The following CPLX3 variants were observed in gnomAD, a reference collection of about 807,000 sequenced individuals.
CPLX3 encodes complexin 3.
A neutral mutation model predicts 17.2 loss-of-function variants in CPLX3; 12 were observed. That is an observed-to-expected ratio of 0.70 (90% confidence interval 0.45 to 1.13). CPLX3 has a LOEUF of 1.13. CPLX3 is among the 50% of genes most tolerant of loss of function. The probability of loss-of-function intolerance (pLI) is 0.00; values close to 1 mark genes in which losing one functional copy is unlikely to be tolerated. For missense variants in CPLX3, 172 were observed against 203.2 expected (o/e 0.85, Z 0.93); for synonymous variants, 75 against 79.4 (o/e 0.94, Z 0.29).
intron 1 of CPLX3, among the ~76,000 whole-genome samples, chr15:74,827,540 T>G (rs1313761348): frequency 6.6e-6 from 1 of 152,260 alleles, no homozygotes; most frequent in African/African-American, 2.4e-5. Flanking sequence ...ACCTGGCACA[T>G]GATAAAGTCT....
chr15:74,829,998 C>CA (rs58349907), intron 2 of CPLX3, 132 bp from the exon 3 acceptor site: 69,103 of 511,774 alleles, frequency 0.14, 13 homozygotes, highest in Middle Eastern at 0.17. Flanking sequence ...CTCGTCTCTA[C>CA]AAAAAAAAAA....
Position 74,830,455 on chromosome 15 carries a change from C to A in CPLX3, c.*101C>A. 1.0e-6 allele frequency: 1 copy of A among 983,002 alleles called. No individual in the cohort carries two copies. Among genetic ancestry groups the A allele is most frequent in the Non-Finnish European group, 1.5e-6 (1 of 654,288 alleles). 60.9% of individuals were successfully genotyped at this position (983,002 alleles called of 1,614,324 possible). On this transcript the variant is annotated 3_prime_UTR_variant, in exon 3 of 3. Transcript: ENST00000395018. ...TCCATTTGGGGCTTTGTTTCCCTTG[C>A]CCCATCCTAGTTCCAAGACCTTTCC...
Position 74,830,642 on chromosome 15 carries a change from C to T in CPLX3, c.*288C>T, listed in dbSNP as rs2063965036. The stretch of plus-strand genomic sequence containing the variant: ...CCCTCTCTGGCCATGGCCCCAAGTT[C>T]CTGCACACAGGAGCACCCACAGAGA... On this transcript the variant is annotated 3_prime_UTR_variant, in exon 3 of 3. Transcript: ENST00000395018. 2 of 386,432 alleles carry T rather than the reference C, an allele frequency of 5.2e-6. No homozygotes were observed. The highest frequency in any genetic ancestry group is 3.0e-5 in the South Asian group (1 of 33,750). The allele number at this position is 386,432 out of a possible 1,614,324, so 23.9% of individuals were successfully genotyped here.
chr15:74,829,971 G>A (rs2063960935), intron 2 of CPLX3, among the ~76,000 whole-genome samples, 159 bp from the exon 3 acceptor site: 1 of 150,892 alleles, frequency 6.6e-6, no homozygotes, highest in Non-Finnish European at 1.5e-5. Flanking sequence ...AGACCAGCGT[G>A]GGCAACATAG....
In CPLX3 at chr15:74,826,640, GCGCGGACGTGCCCGGTGC is replaced by G; in HGVS notation, c.-62_-45del. The G allele has an allele frequency of 6.5e-7, 1 of 1,544,934 alleles. No homozygotes were observed. Among genetic ancestry groups the G allele is most frequent in the South Asian group, 1.1e-5 (1 of 87,338 alleles). On this transcript the variant is annotated 5_prime_UTR_variant, in exon 1 of 3. Coordinates refer to ENST00000395018, the MANE Select transcript of CPLX3 (RefSeq NM_001030005.3). The surrounding 1 kb of genome is among the most constrained non-coding windows in gnomAD (Gnocchi z 5.0). The stretch of plus-strand genomic sequence containing the variant: ...TCCGCGAAACCTAGTGCTGAAGTAG[GCGCGGACGTGCCCGGTGC>G]CTGGCGCGTGGTAGCAGGCGCCCGG...
In CPLX3 at chr15:74,826,659, C is replaced by G; in HGVS notation, c.-45C>G. 1 of 1,589,112 alleles carries G rather than the reference C, an allele frequency of 6.3e-7. No individual in the cohort carries two copies. The highest frequency in any genetic ancestry group is 2.4e-5 in the East Asian group (1 of 41,484). ...AAGTAGGCGCGGACGTGCCCGGTGCCTGGCGCGTGGTAGCAGGCGCCCGGT... is the reference window on the plus strand; with the variant it reads ...AAGTAGGCGCGGACGTGCCCGGTGCGTGGCGCGTGGTAGCAGGCGCCCGGT... On this transcript the variant is annotated 5_prime_UTR_variant, in exon 1 of 3. Transcript: ENST00000395018. This position sits in a 1 kb window ranked among gnomAD's most constrained non-coding sequence, Gnocchi z 5.0.
intron 1 of CPLX3, 63 bp from the exon 2 acceptor site, chr15:74,827,971 C>A: frequency 7.3e-7 from 1 of 1,374,826 alleles, no homozygotes. Context: ...CTGTCCCTCC[C>A]TCGAAGACCT....
rs970687545 is a variant in CPLX3, at chr15:74,830,698, G to T, written c.*344G>T. On this transcript the variant is annotated 3_prime_UTR_variant, in exon 3 of 3. Coordinates refer to ENST00000395018, the MANE Select transcript of CPLX3 (RefSeq NM_001030005.3). ...ACACAGGACACAAAACCCCTGGCAC[G>T]TTCAGAGACAGAAGCCACAGATACA... 3.5e-5 allele frequency: 8 copies of T among 227,536 alleles called. No individual in the cohort carries two copies. The highest frequency in any genetic ancestry group is 2.2e-4 in the South Asian group (3 of 13,898). 14.1% of individuals were successfully genotyped at this position (227,536 alleles called of 1,614,324 possible).
At position 74,828,096 on chromosome 15, in the gene CPLX3, TC is replaced by T; in HGVS notation, c.229del (p.Arg77GlufsTer32). ...GAGCGGGCCACACTGCGGAGCCACTTCCGAGACAAATACCGGCTACCCAAGG... is the reference window on the plus strand; with the variant it reads ...GAGCGGGCCACACTGCGGAGCCACTTCGAGACAAATACCGGCTACCCAAGG... ...KAERATLRSHFRDKYRLPKNE... is the reference protein window; with the variant it reads ...KAERATLRSHXRDKYRLPKNE... On this transcript the variant is annotated frameshift_variant, in exon 2 of 3. Coordinates refer to ENST00000395018, the MANE Select transcript of CPLX3 (RefSeq NM_001030005.3). LOFTEE classifies it high-confidence loss of function. 2 of 1,602,690 alleles carry T rather than the reference TC, an allele frequency of 1.2e-6. No individual in the cohort carries two copies. Among genetic ancestry groups the T allele is most frequent in the Non-Finnish European group, 1.7e-6 (2 of 1,174,224 alleles).
At chr15:74,827,387 A>G (rs2063948741) in intron 1 of CPLX3, among the ~76,000 whole-genome samples, 1 of 152,204 alleles carries the variant, frequency 6.6e-6, no homozygotes, top group Non-Finnish European at 1.5e-5. Flanking sequence ...GGCTTTGCCT[A>G]TTAGCTGGAT....
At chr15:74,829,195 T>G (rs2063957254) in intron 2 of CPLX3, among the ~76,000 whole-genome samples, 1 of 152,138 alleles carries the variant, frequency 6.6e-6, no homozygotes, top group Admixed American at 6.5e-5. Context: ...CTTCTAGGAA[T>G]AAAATCATTC....
At chr15:74,828,006 G>T in intron 1 of CPLX3, 28 bp from the exon 2 acceptor site, 1 of 1,573,416 alleles carries the variant, frequency 6.4e-7, no homozygotes, top group Non-Finnish European at 8.7e-7. Context: ...CAGCCCTCGT[G>T]GTGACTCTGC....
chr15:74,827,725 A>G (rs922815534), intron 1 of CPLX3, among the ~76,000 whole-genome samples: 3 of 152,210 alleles, frequency 2.0e-5, no homozygotes, highest in African/African-American at 7.2e-5. Context: ...CCCACATGAC[A>G]TAGCTTGTCA....
chr15:74,827,814 A>G (rs2063950438), intron 1 of CPLX3, among the ~76,000 whole-genome samples: 2 of 152,172 alleles, frequency 1.3e-5, no homozygotes, highest in Non-Finnish European at 1.5e-5. Flanking sequence ...ACAGACTGCC[A>G]CCCTGGTTCC....
At position 74,831,200 on chromosome 15, in the gene CPLX3, T is replaced by C. The variant is rs1185307361; in HGVS notation, c.*846T>C. ...GATTCCATAGCTGGAATCTCCTCTC[T>C]TAGCTCAGTGAAAAATAAAAATCCC... is the stretch of plus-strand genomic sequence containing the variant. On this transcript the variant is annotated 3_prime_UTR_variant, in exon 3 of 3. Transcript: ENST00000395018. 2 of 152,670 alleles carry C rather than the reference T, an allele frequency of 1.3e-5. No individual in the cohort carries two copies. Among genetic ancestry groups the C allele is most frequent in the Non-Finnish European group, 2.9e-5 (2 of 68,064 alleles). The allele number at this position is 152,670 out of a possible 1,614,324, so 9.5% of individuals were successfully genotyped here.
rs1453153599 is a variant in CPLX3 at position 74,831,542 on chromosome 15, G to A, written c.*1188G>A. The A allele has an allele frequency of 6.6e-6, 1 of 152,142 alleles. No homozygotes were observed. The highest frequency in any genetic ancestry group is 2.4e-5 in the African/African-American group (1 of 41,380). The allele number at this position is 152,142 out of a possible 1,614,324, so 9.4% of individuals were successfully genotyped here. The stretch of plus-strand genomic sequence containing the variant: ...GCCGGGGCTGGACCGCAGCTGTCTT[G>A]GGTGCCTGTGCCTACACCCCTCCTC... On this transcript the variant is annotated 3_prime_UTR_variant, in exon 3 of 3. Coordinates refer to ENST00000395018, the MANE Select transcript of CPLX3 (RefSeq NM_001030005.3).
chr15:74,830,515 C>T lies in CPLX3; in HGVS notation c.*161C>T, dbSNP rs3743487. ...CCCAAGCCTATCTTCTGGTTTCTTC[C>T]TCTCCGCTGGGAGTAAAGTCCCCAT... On this transcript the variant is annotated 3_prime_UTR_variant, in exon 3 of 3. Transcript: ENST00000395018. 56,247 of 635,012 alleles carry T rather than the reference C, an allele frequency of 0.089. 5,205 individuals carry two copies. The highest frequency in any genetic ancestry group is 0.34 in the South Asian group (17,652 of 51,442). The allele number at this position is 635,012 out of a possible 1,614,324, so 39.3% of individuals were successfully genotyped here. A position where few individuals can be genotyped will look rare whatever the true frequency, so the allele number is the denominator to read the frequency against.
Position 74,826,816 on chromosome 15 carries a change from G to C in CPLX3, c.113G>C (p.Gly38Ala). 1.2e-6 allele frequency: 2 copies of C among 1,604,520 alleles called. No homozygotes were observed. The highest frequency in any genetic ancestry group is 1.7e-6 in the Non-Finnish European group (2 of 1,175,464). Reference sequence around the variant, plus strand: ...GACAAGTCGGCAGCCGAAGCTCAGGGCATGAGCCGGGAGGAGTACGAGGAG... The same window carrying C: ...GACAAGTCGGCAGCCGAAGCTCAGGCCATGAGCCGGGAGGAGTACGAGGAG... ...DGDKSAAEAQ[G>A]MSREEYEEYQ... Residue 38 changes from glycine to alanine, a missense_variant, in exon 1 of 3, where the codon GGC (glycine) becomes GCC (alanine). Transcript: ENST00000395018. The surrounding 1 kb of genome is among the most constrained non-coding windows in gnomAD (Gnocchi z 5.0).
At chr15:74,827,016 C>T (rs768487431) in intron 1 of CPLX3, 149 bp downstream of exon 1, 332 of 664,288 alleles carry the variant, frequency 5.0e-4, no homozygotes, top group Non-Finnish European at 7.5e-4. Context: ...TCTACACTGC[C>T]CCCAGACCCA....
Sources: allele counts gnomAD v4.1 joint callset (sites outside exome capture counted in the v4.1 genomes callset), GRCh38; gene constraint gnomAD v4.1.1; non-coding constraint Gnocchi (gnomAD v3.1); transcripts MANE v1.5; gene names NCBI Gene and HGNC (gene_info 2026-07-23, HGNC 2026-07-21).